Variants in DNAJC13 observed in about 807,000 individuals in gnomAD.
DNAJC13 encodes DnaJ heat shock protein family (Hsp40) member C13.
DNAJC13 carries 75 observed loss-of-function variants against 290.5 expected under a neutral mutation model. The observed-to-expected ratio is 0.26, with a 90% CI of 0.21 to 0.31. The LOEUF (loss-of-function observed/expected upper bound fraction) is 0.31, where lower values mean the gene tolerates loss of function less well. DNAJC13 is among the 10% of genes least tolerant of loss of function. DNAJC13 has a pLI of 1.00. For synonymous variants in DNAJC13, 862 were observed against 892.0 expected, an observed-to-expected ratio of 0.97 and a Z score of 0.60; for missense variants, 2,260 against 2,674.5, an observed-to-expected ratio of 0.85 and a Z score of 3.42.
intron 43 of DNAJC13, 101 bp downstream of exon 43, chr3:132,507,454 C>T (rs2107727462): frequency 2.7e-6 from 2 of 730,910 alleles, no homozygotes; most frequent in East Asian, 2.7e-5. Context: ...CATTTTATTG[C>T]ACTTTCTTTA....
chr3:132,475,118 A>G, intron 22 of DNAJC13, 33 bp downstream of exon 22: 1 of 1,508,880 alleles, frequency 6.6e-7, no homozygotes. Context: ...TATTAATCTT[A>G]AAAAATAAAG....
Position 132,433,293 on chromosome 3 carries a change from A to T in DNAJC13, c.-13-1245A>T, listed in dbSNP as rs185241587. Among the ~76,000 whole-genome samples, 56 of 152,310 alleles carry T rather than the reference A, an allele frequency of 3.7e-4. 1 individual carries two copies. In the East Asian group the frequency reaches 0.01, roughly 28 times the overall value. On this transcript the variant is annotated intron_variant, in intron 1 of 55. Transcript: ENST00000260818. ...ATCACTCAGGCTGGAGTACAGTGGC[A>T]CAATCATAGCTCAGTGTAGCCTCAT...
chr3:132,462,985 A>G (rs1274608472), intron 16 of DNAJC13, among the ~76,000 whole-genome samples: 2 of 152,222 alleles, frequency 1.3e-5, no homozygotes, highest in African/African-American at 4.8e-5. Context: ...TGTCGAAGAT[A>G]CTGCTTCTTT....
intron 2 of DNAJC13, among the ~76,000 whole-genome samples, chr3:132,445,877 A>G (rs1933230068): frequency 6.6e-6 from 1 of 152,110 alleles, no homozygotes; most frequent in African/African-American, 2.4e-5. Context: ...ACTGATACCC[A>G]AATGTTTTTT....
chr3:132,525,730 A>T lies in DNAJC13; in HGVS notation c.6181A>T (p.Arg2061Trp). The change falls in exon 52 of 56, where the codon AGG becomes TGG. Residue 2061 changes from arginine (R) to tryptophan (W), a missense_variant. Coordinates refer to ENST00000260818, the MANE Select transcript of DNAJC13 (RefSeq NM_015268.4). ...LPKVIQAMNH[R>W]NNAIPKSAIR... ...CAAAGTTATCCAGGCAATGAATCAT[A>T]GGAACAATGCCATTCCTAAGAGTGC... The T allele has an allele frequency of 3.1e-6, 5 of 1,614,210 alleles. No individual in the cohort carries two copies. The highest frequency in any genetic ancestry group is 4.2e-6 in the Non-Finnish European group (5 of 1,180,022).
chr3:132,430,461 CTTTA>C (rs937693961), intron 1 of DNAJC13, among the ~76,000 whole-genome samples: 9 of 151,876 alleles, frequency 5.9e-5, no homozygotes, highest in African/African-American at 1.9e-4. Flanking sequence ...GTTTTAAAAT[CTTTA>C]TTTTTCTCTG....
At chr3:132,520,446 T>C (rs1936056377) in intron 48 of DNAJC13, among the ~76,000 whole-genome samples, 1 of 152,222 alleles carries the variant, frequency 6.6e-6, no homozygotes, top group Non-Finnish European at 1.5e-5. Flanking sequence ...CAGTGAGTAA[T>C]AAACTTATGT....
chr3:132,509,950 C>T (rs1935721951), intron 43 of DNAJC13, among the ~76,000 whole-genome samples: 2 of 152,090 alleles, frequency 1.3e-5, no homozygotes, highest in Non-Finnish European at 2.9e-5. Context: ...CTGAGGTGTG[C>T]CTTTACACCG....
At chr3:132,425,258 G>T (rs1007177887) in intron 1 of DNAJC13, among the ~76,000 whole-genome samples, 1 of 151,996 alleles carries the variant, frequency 6.6e-6, no homozygotes, top group Non-Finnish European at 1.5e-5. Flanking sequence ...GAAGTATTAC[G>T]TTCATAAATT....
In DNAJC13 at chr3:132,486,082, CTTTTTTTTTTTT is replaced by C. The variant is rs758049804; in HGVS notation, c.3267+1426_3267+1437del. Among the ~76,000 whole-genome samples the C allele has an allele frequency of 5.2e-4, 21 of 40,520 alleles. 2 individuals carry two copies. Among genetic ancestry groups the C allele is most frequent in the Admixed American group, 7.1e-4 (2 of 2,834 alleles). The allele number at this position is 40,520 out of a possible 152,430, so 26.6% of individuals were successfully genotyped here. A position where few individuals can be genotyped will look rare whatever the true frequency, so the allele number is the denominator to read the frequency against. On this transcript the variant is annotated intron_variant, in intron 29 of 55. Coordinates refer to ENST00000260818, the MANE Select transcript of DNAJC13 (RefSeq NM_015268.4). ...CTTCTAAATACAGTAATGCCCTATC[CTTTTTTTTTTTT>C]TTTTTTTTTTTTTTTGCCAATTTCT...
intron 1 of DNAJC13, among the ~76,000 whole-genome samples, 154 bp from the exon 2 acceptor site, chr3:132,434,384 C>CAA (rs761665933): frequency 0.024 from 2,237 of 94,440 alleles, 30 homozygotes; most frequent in Non-Finnish European, 0.036. Flanking sequence ...AGACTCATCT[C>CAA]AAAAAAAAAA....
At chr3:132,439,226 CAG>C (rs1369763767) in intron 2 of DNAJC13, among the ~76,000 whole-genome samples, 1 of 152,158 alleles carries the variant, frequency 6.6e-6, no homozygotes, top group African/African-American at 2.4e-5. Flanking sequence ...AATTTAATAA[CAG>C]AAGCTCACTA....
At chr3:132,449,289 C>T (rs1933350252) in intron 5 of DNAJC13, among the ~76,000 whole-genome samples, 1 of 152,124 alleles carries the variant, frequency 6.6e-6, no homozygotes, top group African/African-American at 2.4e-5. Flanking sequence ...TTGGCCCCTG[C>T]AATCCTGAGG....
chr3:132,534,753 C>T (rs1315407528), intron 55 of DNAJC13, among the ~76,000 whole-genome samples: 1 of 152,214 alleles, frequency 6.6e-6, no homozygotes, highest in Admixed American at 6.5e-5. Flanking sequence ...AGCCCTACAT[C>T]CTCTAACTAC....
rs974656659 is a variant in DNAJC13, at chr3:132,473,196, A to T, written c.2260A>T (p.Ile754Leu). Reference protein sequence around the residue: ...VLRKRRQRIKIEANWDLFYYR... With the variant: ...VLRKRRQRIKLEANWDLFYYR... ...TCGAAAGAGAAGACAAAGAATAAAA[A>T]TAGAAGCAAATTGGGATCTCTTCTA... The change falls in exon 21 of 56, where the codon ATA becomes TTA. Residue 754 changes from isoleucine (I) to leucine (L), a missense_variant. Transcript: ENST00000260818. 10 of 1,610,560 alleles carry T rather than the reference A, an allele frequency of 6.2e-6. No individual in the cohort carries two copies. The highest frequency in any genetic ancestry group is 7.6e-6 in the Non-Finnish European group (9 of 1,178,454).
intron 26 of DNAJC13, 89 bp downstream of exon 26, chr3:132,480,559 G>T: frequency 1.1e-6 from 1 of 948,178 alleles, no homozygotes; most frequent in Non-Finnish European, 1.6e-6. Context: ...GAAAAGATGT[G>T]GTCACACACT....
chr3:132,528,591 T>C (rs1936328070), intron 54 of DNAJC13, among the ~76,000 whole-genome samples: 1 of 152,200 alleles, frequency 6.6e-6, no homozygotes, highest in African/African-American at 2.4e-5. Context: ...ATGCTGGAAA[T>C]CTTTAGCATG....
At chr3:132,448,273 G>A (rs1158165853) in intron 5 of DNAJC13, among the ~76,000 whole-genome samples, 1 of 152,120 alleles carries the variant, frequency 6.6e-6, no homozygotes, top group Non-Finnish European at 1.5e-5. Flanking sequence ...GTGCATGTTG[G>A]AACATTCATT....
intron 48 of DNAJC13, among the ~76,000 whole-genome samples, chr3:132,522,465 A>T (rs1170399736): frequency 6.6e-6 from 1 of 152,230 alleles, no homozygotes; most frequent in East Asian, 1.9e-4. Context: ...GGAAGGGACA[A>T]GCCTGGCTAA....
Sources: gnomAD v4.1 joint callset for allele counts (sites outside exome capture counted in the v4.1 genomes callset) on GRCh38, gnomAD v4.1.1 for gene constraint, MANE v1.5 for transcripts, NCBI Gene and HGNC (gene_info 2026-07-23, HGNC 2026-07-21) for gene names.